Variants in AGMO observed in about 807,000 individuals in gnomAD.
AGMO encodes the protein glyceryl-ether monooxygenase.
A neutral mutation model predicts 60.2 loss-of-function variants in AGMO; 75 were observed. The ratio of observed to expected loss-of-function variants is 1.25; its 90% CI spans 1.03 to 1.51. The LOEUF (loss-of-function observed/expected upper bound fraction) is 1.51. Among genes scored for constraint, AGMO ranks in the 40% most tolerant of loss-of-function variants. The pLI, the probability that AGMO is intolerant of heterozygous loss-of-function variation, is 0.00. For missense variants in AGMO, 763 were observed against 525.5 expected (o/e 1.45, Z -4.42); for synonymous variants, 261 against 177.1 (o/e 1.47, Z -3.76).
At chr7:15,138,755 T>A in the AGMO span, among the ~76,000 whole-genome samples, 9 of 152,284 alleles carry the variant, frequency 5.9e-5, no homozygotes, top group Middle Eastern at 6.8e-3. Flanking sequence ...TTAAATCTTT[T>A]TGAATGAAGA....
chr7:15,151,272 A>G, the AGMO span, among the ~76,000 whole-genome samples: 1 of 152,136 alleles, frequency 6.6e-6, no homozygotes, highest in South Asian at 2.1e-4. Context: ...TTCAAAGAAC[A>G]AACTTTTCGT....
intron 4 of AGMO, among the ~76,000 whole-genome samples, chr7:15,424,665 C>A (rs564393664): frequency 6.6e-6 from 1 of 152,148 alleles, no homozygotes; most frequent in East Asian, 1.9e-4. Flanking sequence ...CCAAGAGCCT[C>A]ATTTCTTTAA....
At chr7:15,546,562 C>T (rs1320142702) in intron 2 of AGMO, among the ~76,000 whole-genome samples, 2 of 152,194 alleles carry the variant, frequency 1.3e-5, no homozygotes, top group Non-Finnish European at 2.9e-5. Context: ...CTCAACCTGA[C>T]AGAGTGGCCA....
chr7:15,261,245 T>C (rs758841819), intron 12 of AGMO, among the ~76,000 whole-genome samples: 7 of 151,938 alleles, frequency 4.6e-5, no homozygotes, highest in Non-Finnish European at 1.0e-4. Flanking sequence ...ATAAATGCAG[T>C]TGATAGACCG....
chr7:15,512,608 C>A (rs1391116823), intron 3 of AGMO, among the ~76,000 whole-genome samples: 1 of 152,302 alleles, frequency 6.6e-6, no homozygotes, highest in East Asian at 1.9e-4. Flanking sequence ...GGTTTGCCTA[C>A]ATATTTAGTT....
intron 5 of AGMO, among the ~76,000 whole-genome samples, chr7:15,402,645 TA>T (rs1784582536): frequency 2.7e-5 from 4 of 147,716 alleles, no homozygotes; most frequent in African/African-American, 7.4e-5. Flanking sequence ...TATAAATATA[TA>T]TTAACCTTAT....
intron 12 of AGMO, among the ~76,000 whole-genome samples, chr7:15,299,973 G>C (rs1203541771): frequency 1.3e-5 from 2 of 151,986 alleles, no homozygotes; most frequent in African/African-American, 4.8e-5. Flanking sequence ...AATAGTTACA[G>C]AGGGAAGAAA....
At chr7:15,217,938 T>C (rs537684826) in intron 12 of AGMO, among the ~76,000 whole-genome samples, 90 of 152,180 alleles carry the variant, frequency 5.9e-4, no homozygotes, top group African/African-American at 1.7e-3. Context: ...ATATGAAGAA[T>C]TGTTATGTAG....
chr7:15,154,316 T>C, the AGMO span, among the ~76,000 whole-genome samples: 20 of 152,228 alleles, frequency 1.3e-4, no homozygotes, highest in East Asian at 1.5e-3. Context: ...CTTAGGAATA[T>C]ACCTAAGCAA....
intron 10 of AGMO, among the ~76,000 whole-genome samples, chr7:15,380,757 C>A (rs1783649605): frequency 6.6e-6 from 1 of 152,068 alleles, no homozygotes; most frequent in African/African-American, 2.4e-5. Context: ...AAGCTGGGGA[C>A]ATAACATTAT....
intron 12 of AGMO, among the ~76,000 whole-genome samples, chr7:15,346,862 CTA>C (rs1191059095): frequency 1.3e-5 from 2 of 148,610 alleles, no homozygotes; most frequent in South Asian, 2.2e-4. Context: ...TAGTAAGTAA[CTA>C]TTTTGTATAT....
At chr7:15,311,217 G>C (rs1780761309) in intron 12 of AGMO, among the ~76,000 whole-genome samples, 1 of 152,254 alleles carries the variant, frequency 6.6e-6, no homozygotes, top group African/African-American at 2.4e-5. Flanking sequence ...GAGCTAACTA[G>C]AGAATTATAG....
At chr7:15,118,382 A>G in the AGMO span, among the ~76,000 whole-genome samples, 1 of 151,988 alleles carries the variant, frequency 6.6e-6, no homozygotes, top group Non-Finnish European at 1.5e-5. Flanking sequence ...CTGCTATTCC[A>G]TTTACACTGA....
At chr7:15,226,900 A>G (rs75411535) in intron 12 of AGMO, among the ~76,000 whole-genome samples, 1,781 of 152,160 alleles carry the variant, frequency 0.012, 21 homozygotes, top group Non-Finnish European at 0.013. Context: ...AAATGCAAGA[A>G]ATGTATCTCT....
intron 3 of AGMO, among the ~76,000 whole-genome samples, chr7:15,502,473 A>G (rs1783411564): frequency 6.6e-6 from 1 of 152,002 alleles, no homozygotes; most frequent in South Asian, 2.1e-4. Context: ...AGTGGTCCTC[A>G]GCATATGGGG....
downstream of AGMO, among the ~76,000 whole-genome samples, chr7:15,199,026 A>G (rs2115461139): frequency 6.6e-6 from 1 of 152,298 alleles, no homozygotes; most frequent in South Asian, 2.1e-4. Context: ...TGCCGTTATC[A>G]TTTTTGTTTC....
At chr7:15,511,954 T>G (rs1783685064) in intron 3 of AGMO, among the ~76,000 whole-genome samples, 1 of 150,656 alleles carries the variant, frequency 6.6e-6, no homozygotes, top group Admixed American at 6.6e-5. Flanking sequence ...GTCTGGGACT[T>G]ACTGTCTCCA....
chr7:15,133,960 C>G, the AGMO span, among the ~76,000 whole-genome samples: 3 of 152,152 alleles, frequency 2.0e-5, no homozygotes, highest in African/African-American at 7.2e-5. Context: ...TTCTTAAGCA[C>G]ATAAACTTTT....
At chr7:15,299,003 T>C (rs377075750) in intron 12 of AGMO, among the ~76,000 whole-genome samples, 95 of 152,294 alleles carry the variant, frequency 6.2e-4, no homozygotes, top group African/African-American at 2.2e-3. Context: ...CCCTACTTTG[T>C]GATTTCTAAG....
Sources: allele counts gnomAD v4.1 joint callset (sites outside exome capture counted in the v4.1 genomes callset), GRCh38; gene constraint gnomAD v4.1.1; transcripts MANE v1.5; gene names NCBI Gene and HGNC (gene_info 2026-07-23, HGNC 2026-07-21).